GIPR: variants seen among roughly 807,000 people sequenced by gnomAD.
The protein encoded by GIPR is GIP-R.
A neutral mutation model predicts 62.2 loss-of-function variants in GIPR; 74 were observed. The observed-to-expected ratio is 1.19, with a 90% confidence interval of 0.99 to 1.44. GIPR has a LOEUF of 1.44. Ranked by LOEUF, GIPR falls within the 40% of genes most tolerant of loss-of-function variation. The pLI is 0.00. For missense variants in GIPR, 664 were observed against 611.8 expected, an observed-to-expected ratio of 1.09 and a Z score of -0.90; for synonymous variants, 256 against 262.2, an observed-to-expected ratio of 0.98 and a Z score of 0.23.
chr19:45,673,924 G>C, intron 5 of GIPR, 150 bp from the exon 6 acceptor site: 1 of 719,510 alleles, frequency 1.4e-6, no homozygotes, highest in East Asian at 2.5e-5. Context: ...CTGAAGGGTG[G>C]AGTCAGCCCT....
intron 4 of GIPR, 123 bp downstream of exon 4, chr19:45,671,515 C>T (rs1975539586): frequency 2.8e-6 from 2 of 707,630 alleles, no homozygotes; most frequent in Admixed American, 2.0e-5. Context: ...TCTTTGCCCC[C>T]TACTCCTTTC....
intron 2 of GIPR, 50 bp downstream of exon 2, chr19:45,669,642 G>C (rs902962079): frequency 3.9e-6 from 6 of 1,542,904 alleles, no homozygotes; most frequent in African/African-American, 2.7e-5. Context: ...GGAGGTATGG[G>C]GACGGTTTTA....
intron 10 of GIPR, 23 bp downstream of exon 10, chr19:45,677,802 C>T (rs769982953): frequency 1.2e-6 from 2 of 1,607,958 alleles, no homozygotes; most frequent in Non-Finnish European, 1.7e-6. Context: ...CCGCCTCCAC[C>T]AGGCCGCCCT....
At chr19:45,669,651 T>C (rs1399018965) in intron 2 of GIPR, 59 bp downstream of exon 2, 1 of 1,534,696 alleles carries the variant, frequency 6.5e-7, no homozygotes, top group Non-Finnish European at 8.7e-7. Flanking sequence ...GGGACGGTTT[T>C]AGGGCTTCCG....
chr19:45,670,681 A>G lies in GIPR; in HGVS notation c.119A>G (p.Glu40Gly). Residue 40 changes from glutamate to glycine, a missense_variant, in exon 3 of 14, where the codon GAA becomes GGA. Coordinates refer to ENST00000590918, the MANE Select transcript of GIPR (RefSeq NM_000164.4). ...QTAGELYQRW[E>G]RYRRECQETL... ...GCGGGGGAGCTGTACCAGCGCTGGGAACGGTACCGCAGGGAGTGCCAGGAG... is the reference window on the plus strand; with the variant it reads ...GCGGGGGAGCTGTACCAGCGCTGGGGACGGTACCGCAGGGAGTGCCAGGAG... The G allele has an allele frequency of 6.2e-7, 1 of 1,613,422 alleles. No homozygotes were observed. Among genetic ancestry groups the G allele is most frequent in the East Asian group, 2.2e-5 (1 of 44,854 alleles).
chr19:45,674,049 CCCTT>C, intron 5 of GIPR, 21 bp from the exon 6 acceptor site: 1 of 1,412,990 alleles, frequency 7.1e-7, no homozygotes, highest in Non-Finnish European at 1.0e-6. Flanking sequence ...AAGCCTTGTT[CCCTT>C]CCCCTTCTTG....
At chr19:45,670,344 T>G in intron 2 of GIPR, 2 of 325,372 alleles carry the variant, frequency 6.1e-6, no homozygotes, top group East Asian at 6.0e-5. Flanking sequence ...AGATTCGAGT[T>G]TTGATTATCG....
At chr19:45,673,998 G>A (rs1336717963) in intron 5 of GIPR, 76 bp from the exon 6 acceptor site, 4 of 848,280 alleles carry the variant, frequency 4.7e-6, no homozygotes, top group Non-Finnish European at 8.3e-6. Context: ...ACAAAGAGCA[G>A]AGGTCCTTCC....
chr19:45,671,749 G>A (rs955927921), intron 4 of GIPR, among the ~76,000 whole-genome samples: 3 of 151,758 alleles, frequency 2.0e-5, no homozygotes, highest in African/African-American at 7.3e-5. Flanking sequence ...ACAGAAGCCG[G>A]GATTACAGGC....
Position 45,677,083 on chromosome 19 carries a change from C to T in GIPR, c.768C>T (p.Phe256=), listed in dbSNP as rs767895891. 14 of 1,613,836 alleles carry T rather than the reference C, an allele frequency of 8.7e-6. No homozygotes were observed. Among genetic ancestry groups the T allele is most frequent in the African/African-American group, 2.7e-5 (2 of 74,894 alleles). ...TGGGAGGCTCCGAGGAGGGCCACTTCCGCTACTACCTGCTCCTCGGCTGGG... is the reference window on the plus strand; with the variant it reads ...TGGGAGGCTCCGAGGAGGGCCACTTTCGCTACTACCTGCTCCTCGGCTGGG... The part of the protein sequence containing the change: ...VLVGGSEEGH[F]RYYLLLGWGA... The change falls in exon 8 of 14, where the codon TTC becomes TTT. Residue 256 remains phenylalanine (F), a synonymous_variant. Coordinates refer to ENST00000590918, the MANE Select transcript of GIPR (RefSeq NM_000164.4).
intron 9 of GIPR, 71 bp from the exon 10 acceptor site, chr19:45,677,639 C>G (rs928798905): frequency 1.6e-6 from 2 of 1,240,424 alleles, no homozygotes; most frequent in African/African-American, 3.0e-5. Flanking sequence ...CGGGGCCTAG[C>G]GAGCAAATGA....
At position 45,677,798 on chromosome 19, in the gene GIPR, C is replaced by G; in HGVS notation, c.924+19C>G. The stretch of plus-strand genomic sequence containing the variant: ...CATCTTGGTAGGATCGGTCCCGCCT[C>G]CACCAGGCCGCCCTCAGGGATTTCC... On this transcript the variant is annotated intron_variant, in intron 10 of 13. Coordinates refer to ENST00000590918, the MANE Select transcript of GIPR (RefSeq NM_000164.4). 1 of 1,608,848 alleles carries G rather than the reference C, an allele frequency of 6.2e-7. No individual in the cohort carries two copies. Among genetic ancestry groups the G allele is most frequent in the South Asian group, 1.1e-5 (1 of 90,970 alleles).
intron 5 of GIPR, 55 bp from the exon 6 acceptor site, chr19:45,674,019 T>C (rs1244492571): frequency 2.0e-6 from 2 of 999,488 alleles, no homozygotes; most frequent in African/African-American, 3.2e-5. Context: ...AGTCTCTCTC[T>C]GGGCCTGGGG....
In GIPR at chr19:45,679,670, G is replaced by A. The variant is rs144203770; in HGVS notation, c.1152+1444G>A. 2.6e-5 allele frequency among the ~76,000 whole-genome samples: 4 copies of A among 152,082 alleles called. No individual in the cohort carries two copies. The East Asian group carries it at 7.7e-4, about 29-fold the overall frequency. The stretch of plus-strand genomic sequence containing the variant: ...CAGGCTGGATCCAGTGCAGGGGTGT[G>A]ATCCTAGCTCACTGCAGCCTTGGAC... On this transcript the variant is annotated intron_variant, in intron 12 of 13. Transcript: ENST00000590918.
chr19:45,676,686 G>A lies in GIPR; in HGVS notation c.634-263G>A, dbSNP rs918870838. On this transcript the variant is annotated intron_variant, in intron 7 of 13. Coordinates refer to ENST00000590918, the MANE Select transcript of GIPR (RefSeq NM_000164.4). ...TGACTTCAGGTGATCCGCCCACCTCGGCCTCCTAAAGTGCTGGGATTACAG... is the reference window on the plus strand; with the variant it reads ...TGACTTCAGGTGATCCGCCCACCTCAGCCTCCTAAAGTGCTGGGATTACAG... 5.9e-5 allele frequency among the ~76,000 whole-genome samples: 9 copies of A among 151,994 alleles called. No homozygotes were observed. In the East Asian group the frequency reaches 1.4e-3, roughly 23 times the overall value.
chr19:45,674,288 T>C (rs1206580892), intron 6 of GIPR, 111 bp downstream of exon 6: 9 of 801,418 alleles, frequency 1.1e-5, no homozygotes, highest in African/African-American at 3.4e-5. Flanking sequence ...CTGGTGGTTC[T>C]ATGGGGAGCA....
intron 1 of GIPR, 92 bp from the exon 2 acceptor site, chr19:45,669,385 C>T (rs1020203144): frequency 2.4e-6 from 3 of 1,264,112 alleles, no homozygotes; most frequent in African/African-American, 1.5e-5. Context: ...GCTCCCCAGC[C>T]GTCTGCCCCT....
In GIPR at chr19:45,672,856, G is replaced by A. The variant is rs537402656; in HGVS notation, c.286G>A (p.Ala96Thr). Residue 96 changes from alanine to threonine, a missense_variant, in exon 5 of 14, where the codon GCA becomes ACA. Transcript: ENST00000590918. ...CCTCTCTTCTTTCCCCACAGTGGCT[G>A]CAGGTTTCGTCCTCCGCCAGTGTGG... is the stretch of plus-strand genomic sequence containing the variant. ...WYLPWHHHVA[A>T]GFVLRQCGSD... is the part of the protein sequence containing the mutation. 6.2e-7 allele frequency: 1 copy of A among 1,604,796 alleles called. No individual in the cohort carries two copies. The highest frequency in any genetic ancestry group is 8.5e-7 in the Non-Finnish European group (1 of 1,171,534).
At chr19:45,671,654 C>T (rs1433001029) in intron 4 of GIPR, among the ~76,000 whole-genome samples, 1 of 152,190 alleles carries the variant, frequency 6.6e-6, no homozygotes, top group African/African-American at 2.4e-5. Context: ...GGCTGGAGTG[C>T]AGTGGGATGA....
Sources: gnomAD v4.1 joint callset for allele counts (sites outside exome capture counted in the v4.1 genomes callset) on GRCh38, gnomAD v4.1.1 for gene constraint, MANE v1.5 for transcripts, NCBI Gene and HGNC (gene_info 2026-07-23, HGNC 2026-07-21) for gene names.